The following FGF9 variants were observed in gnomAD, a reference collection of about 807,000 sequenced individuals.
The protein encoded by FGF9 is fibroblast growth factor 9.
FGF9 carries 3 observed loss-of-function variants against 19.9 expected under a neutral mutation model. The observed-to-expected ratio is 0.15, with a 90% CI of 0.07 to 0.39. FGF9 has a LOEUF of 0.39. FGF9 is among the 10% of genes least tolerant of loss of function. FGF9 has a pLI of 1.00. For synonymous variants in FGF9, 107 were observed against 106.9 expected (o/e 1.00, Z -0.01); for missense variants, 175 against 256.8 (o/e 0.68, Z 2.18).
chr13:21,693,015 C>T (rs902944785), intron 2 of FGF9, among the ~76,000 whole-genome samples: 19 of 152,178 alleles, frequency 1.2e-4, no homozygotes, highest in African/African-American at 4.6e-4. Flanking sequence ...AACTTACAGG[C>T]TGCCATAGCA....
Position 21,671,486 on chromosome 13 carries a change from G to T in FGF9, c.-427G>T. 2.2e-6 allele frequency: 1 copy of T among 458,606 alleles called. No homozygotes were observed. Among genetic ancestry groups the T allele is most frequent in the Non-Finnish European group, 3.8e-6 (1 of 262,404 alleles). The allele number at this position is 458,606 out of a possible 1,614,324, so 28.4% of individuals were successfully genotyped here. A position where few individuals can be genotyped will look rare whatever the true frequency, so the allele number is the denominator to read the frequency against. On this transcript the variant is annotated 5_prime_UTR_variant, in exon 1 of 3. Transcript: ENST00000382353. ...ATCCGTAAATTCTGACGTAGCCCGTGCATCTTAAAAATCCCTATAATAACG... is the reference window on the plus strand; with the variant it reads ...ATCCGTAAATTCTGACGTAGCCCGTTCATCTTAAAAATCCCTATAATAACG...
intron 2 of FGF9, among the ~76,000 whole-genome samples, chr13:21,684,744 C>T (rs1335596817): frequency 6.6e-6 from 1 of 152,190 alleles, no homozygotes; most frequent in East Asian, 1.9e-4. Flanking sequence ...TGTTTCTTCC[C>T]AGTCTGGATG....
chr13:21,696,618 T>TC (rs1410792244), intron 2 of FGF9, among the ~76,000 whole-genome samples: 1 of 152,216 alleles, frequency 6.6e-6, no homozygotes, highest in African/African-American at 2.4e-5. Flanking sequence ...AGACACTCCT[T>TC]CCCCTACCCC....
At chr13:21,689,911 C>T (rs1872247802) in intron 2 of FGF9, among the ~76,000 whole-genome samples, 1 of 152,184 alleles carries the variant, frequency 6.6e-6, no homozygotes, top group Admixed American at 6.5e-5. Flanking sequence ...CTGCTTCTTC[C>T]ACCTCCTGGC....
At chr13:21,688,419 T>G (rs1004384763) in intron 2 of FGF9, among the ~76,000 whole-genome samples, 1 of 152,212 alleles carries the variant, frequency 6.6e-6, no homozygotes, top group Admixed American at 6.5e-5. Flanking sequence ...CGTGACCAAT[T>G]TTCAAAGAAT....
chr13:21,691,178 G>A lies in FGF9; in HGVS notation c.382-10012G>A, dbSNP rs1872281873. On this transcript the variant is annotated intron_variant, in intron 2 of 2. Transcript: ENST00000382353. The surrounding 1 kb of genome is among the most constrained non-coding windows in gnomAD (Gnocchi z 4.2). ...ATCAGCTGTACCTACAAATGCAAAT[G>A]TACTTCCTCATGTGGGTGATCTTAG... 6.6e-6 allele frequency among the ~76,000 whole-genome samples: 1 copy of A among 152,182 alleles called. No individual in the cohort carries two copies. The highest frequency in any genetic ancestry group is 2.1e-4 in the South Asian group (1 of 4,832).
In FGF9 at chr13:21,700,015, GGTGTGTGTGTGTGTGTGT is replaced by G. The variant is rs3076108; in HGVS notation, c.382-1158_382-1141del. On this transcript the variant is annotated intron_variant, in intron 2 of 2. Transcript: ENST00000382353. The stretch of plus-strand genomic sequence containing the variant: ...GGGCGTGTTCACAGCTTTGGGATGT[GGTGTGTGTGTGTGTGTGT>G]GTGTGTGTGTGTGTGTTATTTTTGT... 4.8e-5 allele frequency among the ~76,000 whole-genome samples: 7 copies of G among 146,822 alleles called. No homozygotes were observed. The South Asian group carries it at 1.3e-3, about 28-fold the overall frequency.
At chr13:21,700,406 G>C (rs1872513596) in intron 2 of FGF9, among the ~76,000 whole-genome samples, 1 of 152,192 alleles carries the variant, frequency 6.6e-6, no homozygotes, top group Non-Finnish European at 1.5e-5. Flanking sequence ...TGTTAAAAAT[G>C]CATATTTTGA....
At chr13:21,678,096 T>C (rs1871956506) in intron 1 of FGF9, among the ~76,000 whole-genome samples, 1 of 152,200 alleles carries the variant, frequency 6.6e-6, no homozygotes, top group Admixed American at 6.5e-5. Flanking sequence ...CGGTTCATCT[T>C]TATATACTCA....
chr13:21,692,153 T>TTA (rs1293323544), intron 2 of FGF9, among the ~76,000 whole-genome samples: 1 of 152,206 alleles, frequency 6.6e-6, no homozygotes, highest in African/African-American at 2.4e-5. Flanking sequence ...TAGCCCTGAA[T>TTA]TATTTTTGCC....
chr13:21,695,547 T>C (rs1442948639), intron 2 of FGF9, among the ~76,000 whole-genome samples: 1 of 152,214 alleles, frequency 6.6e-6, no homozygotes, highest in Non-Finnish European at 1.5e-5. Context: ...TGTTGCTTTC[T>C]GTGTAGTTGG....
rs187418449 is a variant in FGF9 at position 21,671,499 on chromosome 13, C to T, written c.-414C>T. 1.5e-3 allele frequency: 693 copies of T among 460,590 alleles called. 1 individual carries two copies. Among genetic ancestry groups the T allele is most frequent in the Middle Eastern group, 2.2e-3 (4 of 1,798 alleles). The allele number at this position is 460,590 out of a possible 1,614,324, so 28.5% of individuals were successfully genotyped here. ...GACGTAGCCCGTGCATCTTAAAAAT[C>T]CCTATAATAACGCCTAGGCATTTAA... On this transcript the variant is annotated 5_prime_UTR_variant, in exon 1 of 3. Transcript: ENST00000382353.
chr13:21,682,250 T>C (rs1042757212), intron 2 of FGF9, among the ~76,000 whole-genome samples: 1 of 152,090 alleles, frequency 6.6e-6, no homozygotes, highest in Non-Finnish European at 1.5e-5. Flanking sequence ...TGGCCTCAAG[T>C]GATCCTCTTG....
chr13:21,687,539 C>T (rs559685427), intron 2 of FGF9, among the ~76,000 whole-genome samples: 1 of 152,332 alleles, frequency 6.6e-6, no homozygotes, highest in South Asian at 2.1e-4. Flanking sequence ...TGCTCCCTGA[C>T]TGAGACGAAG....
chr13:21,692,628 C>T (rs1872318296), intron 2 of FGF9, among the ~76,000 whole-genome samples: 2 of 152,168 alleles, frequency 1.3e-5, no homozygotes, highest in Non-Finnish European at 2.9e-5. Flanking sequence ...ATGACGCCTA[C>T]AAAGTGGCCC....
intron 2 of FGF9, among the ~76,000 whole-genome samples, chr13:21,698,436 T>C (rs1448022622): frequency 1.3e-5 from 2 of 152,222 alleles, no homozygotes; most frequent in Non-Finnish European, 2.9e-5. Context: ...TGATTGGATC[T>C]CTGTCACAAC....
intron 2 of FGF9, among the ~76,000 whole-genome samples, chr13:21,697,958 C>T (rs533466244): frequency 1.8e-4 from 27 of 152,272 alleles, no homozygotes; most frequent in African/African-American, 6.3e-4. Context: ...CAGGCGCCCA[C>T]CACCTCGCCT....
chr13:21,689,078 G>T (rs1565951495), intron 2 of FGF9, among the ~76,000 whole-genome samples: 3 of 152,200 alleles, frequency 2.0e-5, no homozygotes, highest in Non-Finnish European at 4.4e-5. Flanking sequence ...CCAGGAACAT[G>T]CTCAGGAATC....
chr13:21,683,990 T>A (rs1872100835), intron 2 of FGF9, among the ~76,000 whole-genome samples: 1 of 152,256 alleles, frequency 6.6e-6, no homozygotes, highest in African/African-American at 2.4e-5. Context: ...TCTTTGCCTA[T>A]GCAACTCGAG....
Sources: allele counts gnomAD v4.1 joint callset (sites outside exome capture counted in the v4.1 genomes callset), GRCh38; gene constraint gnomAD v4.1.1; non-coding constraint Gnocchi (gnomAD v3.1); transcripts MANE v1.5; gene names NCBI Gene and HGNC (gene_info 2026-07-23, HGNC 2026-07-21).